SOX5: variants seen among roughly 807,000 people sequenced by gnomAD.
SOX5 encodes the protein SRY-box transcription factor 5, also known as transcription factor SOX-5.
SOX5 carries 9 observed loss-of-function variants against 92.0 expected under a neutral mutation model. The ratio of observed to expected loss-of-function variants is 0.10; its 90% CI spans 0.06 to 0.17. The LOEUF is 0.17. SOX5 is among the 10% of genes least tolerant of loss of function. SOX5 has a pLI of 1.00. For missense variants in SOX5, 642 were observed against 944.5 expected (o/e 0.68, Z 4.20); for synonymous variants, 344 against 336.3 (o/e 1.02, Z -0.25).
At chr12:24,265,221 T>C (rs964371144) in intron 3 of SOX5, among the ~76,000 whole-genome samples, 2 of 152,194 alleles carry the variant, frequency 1.3e-5, no homozygotes, top group African/African-American at 2.4e-5. Context: ...TAAGTTGAAA[T>C]AGTAATCTAT....
chr12:23,601,515 ACT>A (rs1256443214), intron 9 of SOX5, among the ~76,000 whole-genome samples: 1 of 152,098 alleles, frequency 6.6e-6, no homozygotes, highest in Non-Finnish European at 1.5e-5. Flanking sequence ...TAATAAAATA[ACT>A]CTATTTTATG....
At chr12:24,086,450 T>C (rs1259998916) in intron 4 of SOX5, among the ~76,000 whole-genome samples, 1 of 151,918 alleles carries the variant, frequency 6.6e-6, no homozygotes, top group East Asian at 1.9e-4. Flanking sequence ...TGTAATGTCA[T>C]GTAAAATTCT....
chr12:24,228,873 C>T (rs1179040517), intron 3 of SOX5, among the ~76,000 whole-genome samples: 1 of 152,202 alleles, frequency 6.6e-6, no homozygotes, highest in African/African-American at 2.4e-5. Flanking sequence ...CCTCTCACCC[C>T]TGGCCTTCCT....
At chr12:23,609,574 G>A (rs959883871) in intron 8 of SOX5, among the ~76,000 whole-genome samples, 1 of 152,120 alleles carries the variant, frequency 6.6e-6, no homozygotes, top group Non-Finnish European at 1.5e-5. Context: ...TGTATATGAA[G>A]TCTTCATAAG....
At chr12:24,543,119 A>C (rs1050161701) in intron 1 of SOX5, among the ~76,000 whole-genome samples, 6 of 152,230 alleles carry the variant, frequency 3.9e-5, no homozygotes, top group Admixed American at 6.5e-5. Flanking sequence ...TGTGATTTTT[A>C]AAAGAATGAA....
chr12:24,152,065 T>G (rs12423069), intron 4 of SOX5, among the ~76,000 whole-genome samples: 21,210 of 152,088 alleles, frequency 0.14, 1,742 homozygotes, highest in East Asian at 0.42. Flanking sequence ...TGAAGGGCTT[T>G]CAACTGATTT....
intron 6 of SOX5, among the ~76,000 whole-genome samples, chr12:23,697,262 A>C (rs1432719332): frequency 2.6e-5 from 4 of 152,184 alleles, no homozygotes; most frequent in Admixed American, 1.3e-4. Context: ...TTACATATGC[A>C]TTCAGCATTT....
At chr12:23,798,589 G>A (rs1248331873) in intron 3 of SOX5, among the ~76,000 whole-genome samples, 4 of 126,518 alleles carry the variant, frequency 3.2e-5, no homozygotes. Flanking sequence ...TCCTAAAATG[G>A]CAAAAGAACC....
chr12:24,409,584 T>A lies in SOX5; in HGVS notation c.-250-40945A>T, dbSNP rs938341634. Among the ~76,000 whole-genome samples the A allele has an allele frequency of 4.6e-5, 7 of 152,230 alleles. No homozygotes were observed. The South Asian group carries it at 1.0e-3, about 22-fold the overall frequency. On this transcript the variant is annotated intron_variant, in intron 1 of 4. Coordinates refer to the SOX5 transcript ENST00000446891. ...TGTCCAGGAGTGCATTGCTAGGTTA[T>A]ATACGGCAGATGAATGTTGTTTTTT...
chr12:24,302,709 T>C (rs1948121563), intron 2 of SOX5, among the ~76,000 whole-genome samples: 3 of 151,898 alleles, frequency 2.0e-5, no homozygotes, highest in Admixed American at 2.0e-4. Context: ...TAGAGAAAAA[T>C]GAATGGCCAA....
intron 2 of SOX5, among the ~76,000 whole-genome samples, chr12:24,311,291 G>T (rs1949148872): frequency 1.3e-5 from 2 of 152,122 alleles, no homozygotes; most frequent in African/African-American, 2.4e-5. Flanking sequence ...ATCAGACTTA[G>T]CATAAAAATA....
chr12:23,907,122 T>A (rs1333379022), intron 1 of SOX5, among the ~76,000 whole-genome samples: 1 of 152,110 alleles, frequency 6.6e-6, no homozygotes, highest in Non-Finnish European at 1.5e-5. Flanking sequence ...AATAAACCTG[T>A]CAGGCCTAAG....
At chr12:24,307,450 A>AAAGGAAGGAAGG (rs71063305) in intron 2 of SOX5, among the ~76,000 whole-genome samples, 13 of 118,632 alleles carry the variant, frequency 1.1e-4, no homozygotes, top group African/African-American at 4.1e-4. Flanking sequence ...GTATAGCTGG[A>AAAGGAAGGAAGG]AAGGAAGGAA....
chr12:23,862,844 A>G (rs1343193055), intron 2 of SOX5, among the ~76,000 whole-genome samples: 3 of 152,190 alleles, frequency 2.0e-5, no homozygotes, highest in Non-Finnish European at 4.4e-5. Flanking sequence ...TTTTCTTGCC[A>G]ATTCCAAATT....
chr12:24,453,900 C>T (rs1390274143), intron 1 of SOX5, among the ~76,000 whole-genome samples: 1 of 152,132 alleles, frequency 6.6e-6, no homozygotes, highest in Non-Finnish European at 1.5e-5. Flanking sequence ...CATAATAGCT[C>T]TTTCATTTTT....
chr12:24,325,900 A>ACG (rs999527940), intron 2 of SOX5, among the ~76,000 whole-genome samples: 1 of 152,198 alleles, frequency 6.6e-6, no homozygotes, highest in African/African-American at 2.4e-5. Context: ...GCACACGTGC[A>ACG]CGCGCGCGCG....
intron 2 of SOX5, among the ~76,000 whole-genome samples, chr12:23,863,343 T>C (rs764004268): frequency 6.6e-6 from 1 of 152,046 alleles, no homozygotes; most frequent in Non-Finnish European, 1.5e-5. Flanking sequence ...AATCACTATA[T>C]GATATTTTAG....
chr12:23,822,606 G>T (rs774281815), intron 3 of SOX5, among the ~76,000 whole-genome samples: 1 of 152,184 alleles, frequency 6.6e-6, no homozygotes, highest in Non-Finnish European at 1.5e-5. Flanking sequence ...TTGATTTGGG[G>T]TGGAGAGTTC....
At chr12:23,774,999 G>T (rs558160296) in intron 3 of SOX5, among the ~76,000 whole-genome samples, 40 of 152,132 alleles carry the variant, frequency 2.6e-4, no homozygotes, top group African/African-American at 9.6e-4. Context: ...AATAGAATTT[G>T]CCTTAAAGCA....
Sources: allele counts gnomAD v4.1 joint callset (sites outside exome capture counted in the v4.1 genomes callset), GRCh38; gene constraint gnomAD v4.1.1; transcripts MANE v1.5; gene names NCBI Gene and HGNC (gene_info 2026-07-23, HGNC 2026-07-21).